BMP2K: variants seen among roughly 807,000 people sequenced by gnomAD.
BMP2K encodes BMP2 inducible kinase.
A neutral mutation model predicts 116.0 loss-of-function variants in BMP2K; 74 were observed. That is an observed-to-expected ratio of 0.64 (90% CI 0.53 to 0.77). BMP2K has a LOEUF of 0.77. BMP2K is among the 30% of genes least tolerant of loss of function. BMP2K has a pLI of 0.00. For missense variants in BMP2K, 1,365 were observed against 1,403.6 expected (o/e 0.97, Z 0.44); for synonymous variants, 486 against 502.5 (o/e 0.97, Z 0.44).
chr4:78,836,464 T>G (rs1730485763), intron 3 of BMP2K, among the ~76,000 whole-genome samples: 1 of 152,132 alleles, frequency 6.6e-6, no homozygotes. Flanking sequence ...TTTAGACATT[T>G]TAATATTTGT....
Position 78,913,572 on chromosome 4 carries a change from A to T in BMP2K, c.*1539A>T, listed in dbSNP as rs146032053. On this transcript the variant is annotated 3_prime_UTR_variant, in exon 16 of 16. Transcript: ENST00000502613. ...TCAACTGGCACTCTCTTTGATTTTT[A>T]TATTTTAAATTAACTCTCTTCGATC... 1.3e-5 allele frequency: 2 copies of T among 152,136 alleles called. No homozygotes were observed. Among genetic ancestry groups the T allele is most frequent in the East Asian group, 3.9e-4 (2 of 5,192 alleles). The allele number at this position is 152,136 out of a possible 1,614,324, so 9.4% of individuals were successfully genotyped here. A position where few individuals can be genotyped will look rare whatever the true frequency, so the allele number is the denominator to read the frequency against.
chr4:78,880,265 T>C (rs1274381370), intron 14 of BMP2K, among the ~76,000 whole-genome samples: 1 of 152,132 alleles, frequency 6.6e-6, no homozygotes, highest in East Asian at 1.9e-4. Context: ...AGAGATGGGA[T>C]TTCTCCATGT....
chr4:78,831,200 C>T (rs539449109), intron 2 of BMP2K, among the ~76,000 whole-genome samples: 2 of 152,328 alleles, frequency 1.3e-5, no homozygotes, highest in African/African-American at 2.4e-5. Context: ...ATTAAGTTCA[C>T]TGTGTTATAT....
chr4:78,872,320 TTTTTTTTTTA>T (rs58171196), intron 12 of BMP2K: 3,587 of 231,616 alleles, frequency 0.015, 174 homozygotes, highest in African/African-American at 0.093. Flanking sequence ...TTTTTTTTTT[TTTTTTTTTTA>T]ACAGCAACCA....
chr4:78,782,106 T>C (rs1250126011), intron 1 of BMP2K, among the ~76,000 whole-genome samples: 1 of 152,242 alleles, frequency 6.6e-6, no homozygotes, highest in Non-Finnish European at 1.5e-5. Flanking sequence ...TGCAATGTGC[T>C]CCACTCCCTG....
At chr4:78,863,520 A>C (rs980588829) in intron 9 of BMP2K, among the ~76,000 whole-genome samples, 1 of 152,160 alleles carries the variant, frequency 6.6e-6, no homozygotes, top group East Asian at 1.9e-4. Context: ...TGAGACACTG[A>C]GAATCACTGG....
At chr4:78,848,862 G>A (rs1225291984) in intron 6 of BMP2K, among the ~76,000 whole-genome samples, 2 of 150,882 alleles carry the variant, frequency 1.3e-5, no homozygotes, top group Non-Finnish European at 1.5e-5. Flanking sequence ...GAAAGAGGGA[G>A]AATTTTAATT....
chr4:78,860,652 T>C (rs1162139011), intron 8 of BMP2K, among the ~76,000 whole-genome samples: 1 of 151,814 alleles, frequency 6.6e-6, no homozygotes, highest in African/African-American at 2.4e-5. Context: ...TCATCACTGA[T>C]TATAAGCCAT....
chr4:78,873,389 C>T (rs1352476148), intron 13 of BMP2K, among the ~76,000 whole-genome samples: 1 of 152,130 alleles, frequency 6.6e-6, no homozygotes. Context: ...ATGGCACGTG[C>T]TTTAGCATCT....
At chr4:78,829,848 T>TTCTCTTC in intron 2 of BMP2K, among the ~76,000 whole-genome samples, 1 of 148,320 alleles carries the variant, frequency 6.7e-6, no homozygotes, top group Non-Finnish European at 1.5e-5. Flanking sequence ...TTCTCTTCTC[T>TTCTCTTC]TCTTTTTTTC....
intron 15 of BMP2K, chr4:78,906,063 G>A (rs1200339963): frequency 6.6e-6 from 1 of 151,984 alleles, no homozygotes; most frequent in Admixed American, 6.6e-5. Flanking sequence ...GTAGTTTCAT[G>A]ATGAATAGAT....
intron 13 of BMP2K, 39 bp from the exon 14 acceptor site, chr4:78,878,691 TTTTC>T: frequency 6.8e-7 from 1 of 1,471,754 alleles, no homozygotes; most frequent in East Asian, 2.3e-5. Flanking sequence ...TTATTTTAAT[TTTTC>T]TTTCCATCTT....
In BMP2K at chr4:78,833,625, G is replaced by A. The variant is rs774904128; in HGVS notation, c.341G>A (p.Cys114Tyr). ...GHKNIVGYLD[C>Y]AVNSISDNVW... ...AAAAATATTGTGGGCTATTTGGACT[G>A]TGCTGTTAATTCAATTAGTGATAAT... Residue 114 changes from cysteine to tyrosine, a missense_variant, in exon 3 of 16, where the codon TGT becomes TAT. Cys to Tyr is a radical substitution (Grantham distance 194, BLOSUM62 -2). Coordinates refer to ENST00000502613, the MANE Select transcript of BMP2K (RefSeq NM_198892.2). The A allele has an allele frequency of 5.0e-6, 8 of 1,605,496 alleles. No individual in the cohort carries two copies. Among genetic ancestry groups the A allele is most frequent in the East Asian group, 4.5e-5 (2 of 44,390 alleles).
chr4:78,801,909 C>G (rs1039753816), intron 1 of BMP2K, among the ~76,000 whole-genome samples: 1 of 152,136 alleles, frequency 6.6e-6, no homozygotes, highest in African/African-American at 2.4e-5. Flanking sequence ...ATTTTACAAG[C>G]CAGTGTTTAA....
chr4:78,840,584 A>G lies in BMP2K; in HGVS notation c.404-1801A>G, dbSNP rs149131879. 5.1e-3 allele frequency among the ~76,000 whole-genome samples: 781 copies of G among 152,298 alleles called. 5 individuals are homozygous for G. The highest frequency in any genetic ancestry group is 8.0e-3 in the Non-Finnish European group (543 of 68,018). ...TATCTCATTTTAAAAAACCTTCAGT[A>G]TATAATGTTTGATTTCCATATCTGA... On this transcript the variant is annotated intron_variant, in intron 3 of 15. Transcript: ENST00000502613.
At chr4:78,904,162 G>A (rs959650806) in intron 15 of BMP2K, among the ~76,000 whole-genome samples, 5 of 151,966 alleles carry the variant, frequency 3.3e-5, no homozygotes, top group Admixed American at 2.0e-4. Flanking sequence ...TCTTTGAAAC[G>A]ATAGGAAGTC....
intron 10 of BMP2K, among the ~76,000 whole-genome samples, chr4:78,866,933 T>C (rs1732080214): frequency 6.6e-6 from 1 of 152,136 alleles, no homozygotes; most frequent in Non-Finnish European, 1.5e-5. Flanking sequence ...CATATGAAGC[T>C]GGGTGCAGTG....
Position 78,912,908 on chromosome 4 carries a change from GC to G in BMP2K, c.*876del, listed in dbSNP as rs1268513754. The stretch of plus-strand genomic sequence containing the variant: ...CTACTTTAGAAACACTTTATGCATG[GC>G]TTCTTGCCCCAAACTTTTATTGTGA... On this transcript the variant is annotated 3_prime_UTR_variant, in exon 16 of 16. Coordinates refer to ENST00000502613, the MANE Select transcript of BMP2K (RefSeq NM_198892.2). 2.6e-5 allele frequency: 4 copies of G among 152,110 alleles called. No individual in the cohort carries two copies. The highest frequency in any genetic ancestry group is 4.8e-5 in the African/African-American group (2 of 41,448). The allele number at this position is 152,110 out of a possible 1,614,324, so 9.4% of individuals were successfully genotyped here. A position where few individuals can be genotyped will look rare whatever the true frequency, so the allele number is the denominator to read the frequency against.
At chr4:78,843,727 T>G (rs1730868767) in intron 4 of BMP2K, among the ~76,000 whole-genome samples, 1 of 151,898 alleles carries the variant, frequency 6.6e-6, no homozygotes, top group South Asian at 2.1e-4. Flanking sequence ...TTCATGTTAG[T>G]TCTTTTGAAT....
Sources: allele counts gnomAD v4.1 joint callset (sites outside exome capture counted in the v4.1 genomes callset), GRCh38; gene constraint gnomAD v4.1.1; transcripts MANE v1.5; gene names NCBI Gene and HGNC (gene_info 2026-07-23, HGNC 2026-07-21).